The following SPRED2 variants were observed in gnomAD, a reference collection of about 807,000 sequenced individuals.
The protein encoded by SPRED2 is sprouty related EVH1 domain containing 2.
In SPRED2, 47 loss-of-function variants were observed where a neutral mutation model predicts 43.0. That is an observed-to-expected ratio of 1.09 (90% CI 0.87 to 1.40). SPRED2 has a LOEUF of 1.40. SPRED2 is among the 40% of genes most tolerant of loss of function. The pLI is 0.00. For synonymous variants in SPRED2, 225 were observed against 225.7 expected (o/e 1.00, Z 0.03); for missense variants, 561 against 586.4 (o/e 0.96, Z 0.45).
intron 5 of SPRED2, 65 bp from the exon 6 acceptor site, chr2:65,314,234 AC>A: frequency 6.9e-7 from 1 of 1,449,266 alleles, no homozygotes; most frequent in Non-Finnish European, 9.2e-7. Flanking sequence ...ACAAAAAAAC[AC>A]CCCACCTTCT....
chr2:65,317,679 G>A (rs889828615), intron 4 of SPRED2, among the ~76,000 whole-genome samples: 1 of 152,150 alleles, frequency 6.6e-6, no homozygotes, highest in African/African-American at 2.4e-5. Flanking sequence ...TATGGAGGGG[G>A]GAAATCTCCA....
chr2:65,413,557 G>T (rs1217973933), intron 1 of SPRED2, among the ~76,000 whole-genome samples: 2 of 152,332 alleles, frequency 1.3e-5, no homozygotes, highest in Non-Finnish European at 2.9e-5. Context: ...GCTGCAGAGG[G>T]CAGTGGTTCC....
At chr2:65,383,111 C>T (rs532279525) in intron 1 of SPRED2, among the ~76,000 whole-genome samples, 7 of 152,354 alleles carry the variant, frequency 4.6e-5, no homozygotes, top group Admixed American at 1.3e-4. Context: ...AAAATACCAC[C>T]GGCATGCTAG....
chr2:65,422,257 A>T (rs1394200132), intron 1 of SPRED2, among the ~76,000 whole-genome samples: 1 of 152,192 alleles, frequency 6.6e-6, no homozygotes, highest in East Asian at 1.9e-4. Context: ...CCTACCCCAA[A>T]TATGAGAACC....
chr2:65,351,894 C>A (rs1674522272), intron 1 of SPRED2, among the ~76,000 whole-genome samples: 1 of 152,084 alleles, frequency 6.6e-6, no homozygotes, highest in African/African-American at 2.4e-5. Context: ...AAGCGGACTG[C>A]CCTGGTTTTG....
intron 4 of SPRED2, among the ~76,000 whole-genome samples, chr2:65,325,555 T>C (rs1462384557): frequency 6.6e-6 from 1 of 152,140 alleles, no homozygotes; most frequent in Non-Finnish European, 1.5e-5. Context: ...GTTTGAGCCC[T>C]AACAATTTCA....
At chr2:65,352,787 C>A (rs1674548774) in intron 1 of SPRED2, among the ~76,000 whole-genome samples, 1 of 152,166 alleles carries the variant, frequency 6.6e-6, no homozygotes, top group Non-Finnish European at 1.5e-5. Flanking sequence ...ACACGCCCAG[C>A]TAATTTTTGT....
intron 1 of SPRED2, among the ~76,000 whole-genome samples, chr2:65,406,998 G>A (rs1205310858): frequency 6.6e-6 from 1 of 151,074 alleles, no homozygotes; most frequent in Non-Finnish European, 1.5e-5. Flanking sequence ...GTGCCATCTC[G>A]GCTCACTGCA....
At chr2:65,352,923 C>T (rs1674552017) in intron 1 of SPRED2, among the ~76,000 whole-genome samples, 1 of 152,194 alleles carries the variant, frequency 6.6e-6, no homozygotes, top group Non-Finnish European at 1.5e-5. Flanking sequence ...CAGGCCCAGC[C>T]AGCTTTGATT....
chr2:65,315,906 C>T (rs890954922), intron 5 of SPRED2, among the ~76,000 whole-genome samples: 6 of 152,254 alleles, frequency 3.9e-5, no homozygotes, highest in Admixed American at 6.5e-5. Context: ...GATCCACCTG[C>T]CTCGGCCTCC....
At chr2:65,413,787 C>T (rs919652725) in intron 1 of SPRED2, among the ~76,000 whole-genome samples, 1 of 152,208 alleles carries the variant, frequency 6.6e-6, no homozygotes, top group African/African-American at 2.4e-5. Context: ...GCCCTAACTC[C>T]AAAGCTTATC....
At chr2:65,360,248 T>C (rs1674775545) in intron 1 of SPRED2, among the ~76,000 whole-genome samples, 1 of 152,172 alleles carries the variant, frequency 6.6e-6, no homozygotes, top group South Asian at 2.1e-4. Flanking sequence ...TCTCTGCTCA[T>C]TTCACTCACT....
chr2:65,339,473 A>G (rs572367349), intron 2 of SPRED2, among the ~76,000 whole-genome samples: 2 of 151,210 alleles, frequency 1.3e-5, no homozygotes, highest in Non-Finnish European at 2.9e-5. Flanking sequence ...ACTCAGGGTT[A>G]AATGGATTAA....
At chr2:65,428,480 T>A (rs1676605827) in intron 1 of SPRED2, among the ~76,000 whole-genome samples, 2 of 152,248 alleles carry the variant, frequency 1.3e-5, no homozygotes, top group Admixed American at 1.3e-4. Flanking sequence ...CAGGGAATTA[T>A]TAATTTTGTA....
At chr2:65,321,189 G>A (rs1042431327) in intron 4 of SPRED2, among the ~76,000 whole-genome samples, 41 of 152,212 alleles carry the variant, frequency 2.7e-4, no homozygotes, top group African/African-American at 9.9e-4. Context: ...GAGAGAGCAG[G>A]TCAGAGTGGG....
intron 1 of SPRED2, among the ~76,000 whole-genome samples, chr2:65,419,307 C>T (rs1248015773): frequency 1.3e-5 from 2 of 152,144 alleles, no homozygotes; most frequent in Non-Finnish European, 2.9e-5. Flanking sequence ...ACGACCCAAA[C>T]TTTATACATA....
Position 65,334,145 on chromosome 2 carries a change from C to A in SPRED2, c.373+460G>T, listed in dbSNP as rs1673893460. On this transcript the variant is annotated intron_variant, in intron 3 of 5. Coordinates refer to ENST00000356388, the MANE Select transcript of SPRED2 (RefSeq NM_181784.3). ...GACCAAGGCCTAAACCGAACCAGGG[C>A]TCCAGAGGTCACAGATCCCTTTCCT... 5 of 470,370 alleles carry A rather than the reference C, an allele frequency of 1.1e-5. No individual in the cohort carries two copies. The Admixed American group carries it at 1.2e-4, about 11-fold the overall frequency. The allele number at this position is 470,370 out of a possible 1,614,324, so 29.1% of individuals were successfully genotyped here.
At chr2:65,416,410 TCTC>T (rs769279453) in intron 1 of SPRED2, among the ~76,000 whole-genome samples, 3 of 152,092 alleles carry the variant, frequency 2.0e-5, no homozygotes, top group Non-Finnish European at 2.9e-5. Flanking sequence ...CACATCTAGT[TCTC>T]CTGGTCACTG....
chr2:65,408,668 C>T (rs190599165), intron 1 of SPRED2, among the ~76,000 whole-genome samples: 45 of 152,036 alleles, frequency 3.0e-4, no homozygotes, highest in African/African-American at 1.1e-3. Flanking sequence ...GCAACCTCTG[C>T]CTTCTGGGAT....
Sources: gnomAD v4.1 joint callset for allele counts (sites outside exome capture counted in the v4.1 genomes callset) on GRCh38, gnomAD v4.1.1 for gene constraint, MANE v1.5 for transcripts, NCBI Gene and HGNC (gene_info 2026-07-23, HGNC 2026-07-21) for gene names.